BMAL2: variants seen among roughly 807,000 people sequenced by gnomAD.
BMAL2 encodes basic helix-loop-helix ARNT-like protein 2.
chr12:27,353,072 A>G, the BMAL2 span, among the ~76,000 whole-genome samples: 1 of 152,256 alleles, frequency 6.6e-6, no homozygotes, highest in Admixed American at 6.5e-5. Flanking sequence ...GAATTAGAAA[A>G]AAACGATTCC....
the BMAL2 span, among the ~76,000 whole-genome samples, chr12:27,390,870 AT>A: frequency 6.6e-6 from 1 of 152,176 alleles, no homozygotes; most frequent in Non-Finnish European, 1.5e-5. Context: ...CCATAGGCAA[AT>A]TTTAACATGG....
At chr12:27,332,988 G>A in the BMAL2 span, 19 of 1,091,390 alleles carry the variant, frequency 1.7e-5, no homozygotes, top group South Asian at 4.5e-5. Context: ...CTCCAGAGCC[G>A]CCGCCTGGGC....
chr12:27,419,634 C>G, the BMAL2 span, among the ~76,000 whole-genome samples: 1 of 152,184 alleles, frequency 6.6e-6, no homozygotes, highest in East Asian at 1.9e-4. Flanking sequence ...TTCATATCCT[C>G]CATGACTGAC....
the BMAL2 span, among the ~76,000 whole-genome samples, chr12:27,362,503 T>C: frequency 6.6e-6 from 1 of 152,190 alleles, no homozygotes; most frequent in African/African-American, 2.4e-5. Flanking sequence ...GATAAGACAT[T>C]GATCTGTGAA....
At chr12:27,397,852 A>G in the BMAL2 span, among the ~76,000 whole-genome samples, 1 of 152,176 alleles carries the variant, frequency 6.6e-6, no homozygotes, top group Non-Finnish European at 1.5e-5. Context: ...AAGAAGTGCA[A>G]CAGTACACCC....
At chr12:27,372,742 C>T in the BMAL2 span, among the ~76,000 whole-genome samples, 1 of 152,022 alleles carries the variant, frequency 6.6e-6, no homozygotes, top group Non-Finnish European at 1.5e-5. Flanking sequence ...GGCGTGATCT[C>T]GGCTCACTGC....
chr12:27,346,445 T>C, the BMAL2 span, among the ~76,000 whole-genome samples: 2 of 152,134 alleles, frequency 1.3e-5, no homozygotes, highest in Non-Finnish European at 1.5e-5. Flanking sequence ...GTATTTTTAG[T>C]AGAGATGGGG....
the BMAL2 span, chr12:27,368,244 G>T: frequency 1.9e-6 from 3 of 1,613,252 alleles, no homozygotes; most frequent in Non-Finnish European, 2.5e-6. Flanking sequence ...ATGTCTTGTT[G>T]TACTCTGCTG....
the BMAL2 span, chr12:27,424,649 C>G: frequency 3.3e-5 from 5 of 152,190 alleles, no homozygotes. Flanking sequence ...TGTCCAGTTT[C>G]AGATCATGCT....
chr12:27,360,089 A>C, the BMAL2 span, among the ~76,000 whole-genome samples: 1 of 151,990 alleles, frequency 6.6e-6, no homozygotes, highest in Non-Finnish European at 1.5e-5. Context: ...GCAGCAGTAA[A>C]ATGTAAAAGA....
chr12:27,358,111 A>C, the BMAL2 span, among the ~76,000 whole-genome samples: 1 of 152,114 alleles, frequency 6.6e-6, no homozygotes, highest in Non-Finnish European at 1.5e-5. Flanking sequence ...GAGTTGATAG[A>C]CAACCCAGAG....
chr12:27,404,463 A>G, the BMAL2 span, among the ~76,000 whole-genome samples: 1 of 152,286 alleles, frequency 6.6e-6, no homozygotes, highest in Non-Finnish European at 1.5e-5. Flanking sequence ...ACCTTAAATC[A>G]GTAGGTAGAA....
At chr12:27,370,324 T>C in the BMAL2 span, 27 of 873,988 alleles carry the variant, frequency 3.1e-5, 1 homozygote, top group Admixed American at 5.2e-4. Flanking sequence ...ACTGATTTGC[T>C]CATCATCTAT....
At chr12:27,410,296 G>A in the BMAL2 span, among the ~76,000 whole-genome samples, 11 of 152,286 alleles carry the variant, frequency 7.2e-5, no homozygotes, top group East Asian at 1.9e-4. Flanking sequence ...ACATACACAC[G>A]TATGTTTATT....
the BMAL2 span, among the ~76,000 whole-genome samples, chr12:27,363,566 G>A: frequency 6.6e-6 from 1 of 152,160 alleles, no homozygotes; most frequent in Non-Finnish European, 1.5e-5. Context: ...TTACCAATGA[G>A]ATTGAGTATC....
At chr12:27,397,919 G>T in the BMAL2 span, among the ~76,000 whole-genome samples, 4 of 152,216 alleles carry the variant, frequency 2.6e-5, no homozygotes, top group African/African-American at 7.2e-5. Flanking sequence ...GTGCCCCATG[G>T]CATATCCCCC....
chr12:27,381,606 C>T, the BMAL2 span, among the ~76,000 whole-genome samples: 2 of 152,182 alleles, frequency 1.3e-5, no homozygotes, highest in African/African-American at 4.8e-5. Context: ...CCAGGCCCCA[C>T]CTCCAGCACT....
chr12:27,376,013 T>C, the BMAL2 span, among the ~76,000 whole-genome samples: 1 of 152,248 alleles, frequency 6.6e-6, no homozygotes, highest in African/African-American at 2.4e-5. Context: ...ATAACTTTAA[T>C]GTTAATTCTA....
At chr12:27,401,488 T>C in the BMAL2 span, 2 of 1,550,684 alleles carry the variant, frequency 1.3e-6, no homozygotes, top group East Asian at 4.5e-5. Flanking sequence ...TTATAGTCAT[T>C]GACTATTATG....
Sources: gnomAD v4.1 joint callset for allele counts (sites outside exome capture counted in the v4.1 genomes callset) on GRCh38, gnomAD v4.1.1 for gene constraint, MANE v1.5 for transcripts, NCBI Gene and HGNC (gene_info 2026-07-23, HGNC 2026-07-21) for gene names.